Variants in DNAJC10 observed in about 807,000 individuals in gnomAD.
DNAJC10 encodes endoplasmic reticulum disulfide reductase DNAJC10.
A neutral mutation model predicts 115.0 loss-of-function variants in DNAJC10; 101 were observed. The observed-to-expected ratio is 0.88, with a 90% CI of 0.75 to 1.04. DNAJC10 has a LOEUF of 1.04. DNAJC10 is among the 50% of genes least tolerant of loss of function. The probability of loss-of-function intolerance (pLI) is 0.00; values close to 1 mark genes in which losing one functional copy is unlikely to be tolerated. For synonymous variants in DNAJC10, 307 were observed against 301.5 expected (o/e 1.02, Z -0.19); for missense variants, 981 against 928.8 (o/e 1.06, Z -0.73).
chr2:182,762,478 G>A (rs1189464425), intron 21 of DNAJC10, among the ~76,000 whole-genome samples: 1 of 152,156 alleles, frequency 6.6e-6, no homozygotes, highest in Non-Finnish European at 1.5e-5. Flanking sequence ...TGAGGCAAAG[G>A]AGGGTTTATT....
intron 17 of DNAJC10, 149 bp from the exon 18 acceptor site, chr2:182,756,165 G>A (rs1694150366): frequency 1.6e-6 from 1 of 611,866 alleles, no homozygotes; most frequent in Non-Finnish European, 2.6e-6. Context: ...TCATTCCCAA[G>A]ATATATGCAA....
At chr2:182,737,675 T>G (rs1253082360) in intron 11 of DNAJC10, among the ~76,000 whole-genome samples, 4 of 152,218 alleles carry the variant, frequency 2.6e-5, no homozygotes, top group Non-Finnish European at 5.9e-5. Flanking sequence ...TCATTCAATA[T>G]CTTCCTTAGG....
intron 22 of DNAJC10, among the ~76,000 whole-genome samples, chr2:182,772,735 T>C (rs1246498785): frequency 6.6e-6 from 1 of 152,158 alleles, no homozygotes; most frequent in Admixed American, 6.6e-5. Flanking sequence ...GTGTGCATCT[T>C]TGCACATGAG....
chr2:182,751,069 C>T (rs1342468600), intron 14 of DNAJC10, among the ~76,000 whole-genome samples: 1 of 150,738 alleles, frequency 6.6e-6, no homozygotes, highest in Non-Finnish European at 1.5e-5. Flanking sequence ...ATTTAAAGAA[C>T]CCTATAAAAA....
At chr2:182,749,770 A>G (rs1693968180) in intron 14 of DNAJC10, among the ~76,000 whole-genome samples, 1 of 152,240 alleles carries the variant, frequency 6.6e-6, no homozygotes, top group African/African-American at 2.4e-5. Context: ...CCCAAAACTC[A>G]GTGGTTTAAA....
intron 14 of DNAJC10, among the ~76,000 whole-genome samples, chr2:182,746,009 T>C (rs781031515): frequency 6.6e-6 from 1 of 152,152 alleles, no homozygotes; most frequent in Non-Finnish European, 1.5e-5. Context: ...GTCTTTGCGA[T>C]AGTTTACTGA....
rs1473375469 is a variant in DNAJC10, at chr2:182,778,753, TTTTGAATTATGATCAG to T, written c.*1623_*1638del. ...CCACTTGTCACACTTAACACCAGCT[TTTTGAATTATGATCAG>T]TAATGGCAAGAGCCTTTCATTCTCG... is the stretch of plus-strand genomic sequence containing the variant. On this transcript the variant is annotated 3_prime_UTR_variant, in exon 24 of 24. Coordinates refer to ENST00000264065, the MANE Select transcript of DNAJC10 (RefSeq NM_018981.4). The T allele has an allele frequency of 2.0e-5, 3 of 152,224 alleles. No individual in the cohort carries two copies. Among genetic ancestry groups the T allele is most frequent in the African/African-American group, 7.2e-5 (3 of 41,446 alleles). The allele number at this position is 152,224 out of a possible 1,614,324, so 9.4% of individuals were successfully genotyped here.
chr2:182,747,347 G>T (rs1470068114), intron 14 of DNAJC10, among the ~76,000 whole-genome samples: 14 of 152,224 alleles, frequency 9.2e-5, no homozygotes, highest in African/African-American at 2.4e-4. Context: ...ACAATATTGA[G>T]TCTTCCTACC....
chr2:182,746,198 C>T lies in DNAJC10; in HGVS notation c.1306+2486C>T, dbSNP rs989036384. On this transcript the variant is annotated intron_variant, in intron 14 of 23. Transcript: ENST00000264065. ...TGTGAATAATGCCGCAATAAACATA[C>T]GTGTGCATGTGTCTTTGTAGCAGCA... Among the ~76,000 whole-genome samples, 53 of 152,270 alleles carry T rather than the reference C, an allele frequency of 3.5e-4. 1 individual carries two copies. Among genetic ancestry groups the T allele is most frequent in the Admixed American group, 2.6e-3 (40 of 15,300 alleles).
At position 182,784,687 on chromosome 2, in the gene DNAJC10, ATAT is replaced by A. The variant is rs1454573575; in HGVS notation, c.*7559_*7561del. The A allele has an allele frequency of 6.6e-6, 1 of 152,204 alleles. No individual in the cohort carries two copies. Among genetic ancestry groups the A allele is most frequent in the Non-Finnish European group, 1.5e-5 (1 of 68,032 alleles). The allele number at this position is 152,204 out of a possible 1,614,324, so 9.4% of individuals were successfully genotyped here. On this transcript the variant is annotated 3_prime_UTR_variant, in exon 24 of 24. Transcript: ENST00000264065. The stretch of plus-strand genomic sequence containing the variant: ...TTATAGCTTAGAGGCATTGTAGTTG[ATAT>A]TATAGTAACCCTTTTAGATGTTAGT...
chr2:182,786,520 T>C lies in DNAJC10; in HGVS notation c.*9388T>C, dbSNP rs1694949495. On this transcript the variant is annotated 3_prime_UTR_variant, in exon 24 of 24. Coordinates refer to ENST00000264065, the MANE Select transcript of DNAJC10 (RefSeq NM_018981.4). ...GTCTCACCATTTTCTTCAAGGAAGA[T>C]CAACTGAACCTGCCTGAAGGCACAG... 6.6e-6 allele frequency: 1 copy of C among 152,136 alleles called. No homozygotes were observed. Among genetic ancestry groups the C allele is most frequent in the Non-Finnish European group, 1.5e-5 (1 of 68,026 alleles). 9.4% of individuals were successfully genotyped at this position (152,136 alleles called of 1,614,324 possible).
rs551610765 is a variant in DNAJC10 at position 182,736,013 on chromosome 2, A to G, written c.850-236A>G. Among the ~76,000 whole-genome samples, 10 of 152,242 alleles carry G rather than the reference A, an allele frequency of 6.6e-5. No homozygotes were observed. In the South Asian group the frequency reaches 1.7e-3, roughly 25 times the overall value. The stretch of plus-strand genomic sequence containing the variant: ...GAATTATAAAAAGTAGATTTCTACT[A>G]TTAGGGAAAAACCATTTCTCAAGTT... On this transcript the variant is annotated intron_variant, in intron 10 of 23. Transcript: ENST00000264065.
At position 182,789,169 on chromosome 2, in the gene DNAJC10, T is replaced by A; in HGVS notation, c.*12037T>A. ...CATACACCATTTATCTTTTTGTGAT[T>A]CCTTATTTTACTTAGCGTAAGTCCT... On this transcript the variant is annotated 3_prime_UTR_variant, in exon 24 of 24. Coordinates refer to ENST00000264065, the MANE Select transcript of DNAJC10 (RefSeq NM_018981.4). 1 of 181,004 alleles carries A rather than the reference T, an allele frequency of 5.5e-6. No homozygotes were observed. Among genetic ancestry groups the A allele is most frequent in the South Asian group, 1.1e-4 (1 of 8,972 alleles). The allele number at this position is 181,004 out of a possible 1,614,324, so 11.2% of individuals were successfully genotyped here. A position where few individuals can be genotyped will look rare whatever the true frequency, so the allele number is the denominator to read the frequency against.
intron 22 of DNAJC10, among the ~76,000 whole-genome samples, chr2:182,772,296 T>C (rs1034064402): frequency 4.6e-5 from 7 of 152,170 alleles, no homozygotes; most frequent in African/African-American, 7.2e-5. Context: ...GTATATTCTG[T>C]TGATTTGGGG....
intron 22 of DNAJC10, among the ~76,000 whole-genome samples, chr2:182,770,533 C>G (rs2105702559): frequency 6.6e-6 from 1 of 152,248 alleles, no homozygotes; most frequent in East Asian, 1.9e-4. Context: ...TCCTTCACAT[C>G]CCTTGTAAGT....
rs1180608267 is a variant in DNAJC10 at position 182,747,568 on chromosome 2, C to T, written c.1306+3856C>T. 1.7e-3 allele frequency among the ~76,000 whole-genome samples: 263 copies of T among 151,942 alleles called. 1 individual carries two copies. Among genetic ancestry groups the T allele is most frequent in the African/African-American group, 5.9e-3 (244 of 41,364 alleles). On this transcript the variant is annotated intron_variant, in intron 14 of 23. Coordinates refer to ENST00000264065, the MANE Select transcript of DNAJC10 (RefSeq NM_018981.4). ...TGTATAAGAATGCTTGTGATTTTTG[C>T]ACATTGATTTTGTATCCTGAGACTT...
intron 14 of DNAJC10, among the ~76,000 whole-genome samples, chr2:182,744,791 A>T (rs1366625908): frequency 6.6e-6 from 1 of 152,210 alleles, no homozygotes; most frequent in Non-Finnish European, 1.5e-5. Flanking sequence ...TTTTGAATCC[A>T]AATTTGTCTG....
At chr2:182,770,724 T>G (rs1001116789) in intron 22 of DNAJC10, among the ~76,000 whole-genome samples, 4 of 152,210 alleles carry the variant, frequency 2.6e-5, no homozygotes, top group Non-Finnish European at 4.4e-5. Context: ...TGATGGGGTT[T>G]TCTAAATAAA....
intron 11 of DNAJC10, among the ~76,000 whole-genome samples, chr2:182,737,513 T>C (rs1043203777): frequency 3.5e-4 from 53 of 152,214 alleles, no homozygotes; most frequent in African/African-American, 1.1e-3. Flanking sequence ...ATTACGACTT[T>C]GTGCCAGCAA....
Sources: allele counts gnomAD v4.1 joint callset (sites outside exome capture counted in the v4.1 genomes callset), GRCh38; gene constraint gnomAD v4.1.1; transcripts MANE v1.5; gene names NCBI Gene and HGNC (gene_info 2026-07-23, HGNC 2026-07-21).